The following CNKSR3 variants were observed in gnomAD, a reference collection of about 807,000 sequenced individuals.
CNKSR3 encodes the protein CNKSR family member 3.
A neutral mutation model predicts 67.7 loss-of-function variants in CNKSR3; 36 were observed. The ratio of observed to expected loss-of-function variants is 0.53; its 90% CI spans 0.41 to 0.70. The LOEUF (loss-of-function observed/expected upper bound fraction) is 0.70. Among genes scored for constraint, CNKSR3 ranks in the 30% least tolerant of loss-of-function variants. The pLI is 0.00. For missense variants in CNKSR3, 630 were observed against 695.2 expected (o/e 0.91, Z 1.05); for synonymous variants, 281 against 271.4 (o/e 1.04, Z -0.35).
intron 2 of CNKSR3, among the ~76,000 whole-genome samples, chr6:154,442,531 AG>A (rs1376906160): frequency 6.6e-6 from 1 of 152,128 alleles, no homozygotes; most frequent in Admixed American, 6.5e-5. Flanking sequence ...CTGAGGCAGG[AG>A]AATGGCGTGA....
chr6:154,448,555 G>A (rs1057112279), intron 2 of CNKSR3, among the ~76,000 whole-genome samples: 5 of 152,064 alleles, frequency 3.3e-5, no homozygotes, highest in African/African-American at 9.7e-5. Context: ...GTACAGATGG[G>A]AAAAACAGAC....
chr6:154,412,937 C>CA (rs1309922719), intron 10 of CNKSR3, among the ~76,000 whole-genome samples: 1 of 151,978 alleles, frequency 6.6e-6, no homozygotes, highest in African/African-American at 2.4e-5. Flanking sequence ...GAGGGTAACC[C>CA]AGACCCAATA....
chr6:154,412,866 G>A (rs1313437322), intron 10 of CNKSR3, among the ~76,000 whole-genome samples: 1 of 152,076 alleles, frequency 6.6e-6, no homozygotes, highest in African/African-American at 2.4e-5. Flanking sequence ...ATATATGCTT[G>A]AATTGTTGAA....
Position 154,389,837 on chromosome 6 carries a change from A to G in CNKSR3, c.*16517T>C, listed in dbSNP as rs1784587484. 1 of 152,236 alleles carries G rather than the reference A, an allele frequency of 6.6e-6. No homozygotes were observed. The highest frequency in any genetic ancestry group is 1.5e-5 in the Non-Finnish European group (1 of 68,036). The allele number at this position is 152,236 out of a possible 1,614,324, so 9.4% of individuals were successfully genotyped here. The stretch of plus-strand genomic sequence containing the variant: ...TAATAAAATACTTGGGAATAAACTT[A>G]ACTAAGGAGGTGAAAGACTTGTATA... On this transcript the variant is annotated 3_prime_UTR_variant, in exon 13 of 13. Coordinates refer to ENST00000607772, the MANE Select transcript of CNKSR3 (RefSeq NM_173515.4).
intron 1 of CNKSR3, among the ~76,000 whole-genome samples, chr6:154,491,136 C>T (rs940393126): frequency 3.9e-5 from 6 of 152,138 alleles, no homozygotes; most frequent in South Asian, 4.1e-4. Flanking sequence ...CGTGAGCCAC[C>T]GCGCCCGGCC....
chr6:154,468,273 T>G (rs952562062), intron 1 of CNKSR3, among the ~76,000 whole-genome samples: 11 of 150,850 alleles, frequency 7.3e-5, no homozygotes, highest in African/African-American at 2.2e-4. Context: ...AGAAATGAGG[T>G]TTCATCATGT....
intron 1 of CNKSR3, among the ~76,000 whole-genome samples, chr6:154,496,885 G>A (rs1786888722): frequency 6.6e-6 from 1 of 152,164 alleles, no homozygotes; most frequent in Admixed American, 6.5e-5. Flanking sequence ...ACCCACCTAA[G>A]TGCCTCTAGG....
intron 4 of CNKSR3, among the ~76,000 whole-genome samples, chr6:154,437,184 G>A (rs1178588545): frequency 6.6e-6 from 1 of 152,044 alleles, no homozygotes; most frequent in Admixed American, 6.6e-5. Context: ...CCAGTTAAAA[G>A]GAATAAATGG....
chr6:154,483,705 A>AATCTCCCTCTCTCC (rs1786612441), intron 1 of CNKSR3, among the ~76,000 whole-genome samples: 1 of 151,986 alleles, frequency 6.6e-6, no homozygotes, highest in South Asian at 2.1e-4. Context: ...TAACTCACTC[A>AATCTCCCTCTCTCC]ATCTCCCTCT....
chr6:154,503,970 G>A (rs2114662448), intron 1 of CNKSR3, among the ~76,000 whole-genome samples: 1 of 152,252 alleles, frequency 6.6e-6, no homozygotes, highest in East Asian at 1.9e-4. Context: ...TAATTGTGAT[G>A]GGTGCACGAA....
chr6:154,472,102 C>A (rs1321498257), intron 1 of CNKSR3, among the ~76,000 whole-genome samples: 2 of 152,192 alleles, frequency 1.3e-5, no homozygotes, highest in African/African-American at 2.4e-5. Context: ...CAAGCCCAGA[C>A]AGCGCTATCC....
chr6:154,396,021 T>C lies in CNKSR3; in HGVS notation c.*10333A>G, dbSNP rs1784657989. 6.6e-6 allele frequency: 1 copy of C among 152,304 alleles called. No homozygotes were observed. Among genetic ancestry groups the C allele is most frequent in the African/African-American group, 2.4e-5 (1 of 41,462 alleles). The allele number at this position is 152,304 out of a possible 1,614,324, so 9.4% of individuals were successfully genotyped here. The stretch of plus-strand genomic sequence containing the variant: ...GCTGAGATTACAGGCATGAGCCAAC[T>C]GTGCCCAGCCAGCCTTAGTATTTAT... On this transcript the variant is annotated 3_prime_UTR_variant, in exon 13 of 13. Transcript: ENST00000607772.
At chr6:154,424,476 C>G (rs916145464) in intron 7 of CNKSR3, among the ~76,000 whole-genome samples, 1 of 152,156 alleles carries the variant, frequency 6.6e-6, no homozygotes, top group Non-Finnish European at 1.5e-5. Context: ...AATCTTCAAA[C>G]AATTTCCAAA....
chr6:154,391,669 T>C lies in CNKSR3; in HGVS notation c.*14685A>G, dbSNP rs1784608036. The C allele has an allele frequency of 6.6e-6, 1 of 152,256 alleles. No individual in the cohort carries two copies. The highest frequency in any genetic ancestry group is 2.4e-5 in the African/African-American group (1 of 41,460). The allele number at this position is 152,256 out of a possible 1,614,324, so 9.4% of individuals were successfully genotyped here. A position where few individuals can be genotyped will look rare whatever the true frequency, so the allele number is the denominator to read the frequency against. On this transcript the variant is annotated 3_prime_UTR_variant, in exon 13 of 13. Coordinates refer to ENST00000607772, the MANE Select transcript of CNKSR3 (RefSeq NM_173515.4). The stretch of plus-strand genomic sequence containing the variant: ...TGTGTCACTTTGTGTCTTCTTTTGC[T>C]TCCCTTCTCTTTTTTCTCACCTCGC...
intron 1 of CNKSR3, among the ~76,000 whole-genome samples, chr6:154,505,493 ATTAT>A (rs889107384): frequency 4.0e-5 from 5 of 124,916 alleles, no homozygotes; most frequent in Admixed American, 1.5e-4. Flanking sequence ...TATTATTATT[ATTAT>A]TTTTTTTTTT....
intron 1 of CNKSR3, among the ~76,000 whole-genome samples, chr6:154,470,188 CTTTTTTTTTTT>C (rs869154714): frequency 1.9e-4 from 13 of 68,748 alleles, no homozygotes; most frequent in South Asian, 7.0e-4. Context: ...ACTTTCTTTC[CTTTTTTTTTTT>C]TTTTTTTTTT....
chr6:154,450,049 T>G (rs1418027201), intron 2 of CNKSR3, 46 bp downstream of exon 2: 2 of 1,567,642 alleles, frequency 1.3e-6, no homozygotes, highest in Admixed American at 3.7e-5. Context: ...AGAGCAAGGC[T>G]CTAAAGAACG....
intron 11 of CNKSR3, 53 bp from the exon 12 acceptor site, chr6:154,410,485 G>A (rs964643669): frequency 6.5e-6 from 8 of 1,232,478 alleles, no homozygotes; most frequent in Non-Finnish European, 8.4e-6. Context: ...TGGAACTTTA[G>A]TGAACCGTTC....
rs35873703 is a variant in CNKSR3, at chr6:154,415,228, A to ATTTTTTTTTTTTTTTTTTTT, written c.946-825_946-806dup. Among the ~76,000 whole-genome samples the ATTTTTTTTTTTTTTTTTTTT allele has an allele frequency of 7.8e-3, 921 of 117,960 alleles. 83 individuals are homozygous for ATTTTTTTTTTTTTTTTTTTT. Among genetic ancestry groups the ATTTTTTTTTTTTTTTTTTTT allele is most frequent in the East Asian group, 0.037 (112 of 3,054 alleles). The allele number at this position is 117,960 out of a possible 152,430, so 77.4% of individuals were successfully genotyped here. On this transcript the variant is annotated intron_variant, in intron 9 of 12. Transcript: ENST00000607772. ...TCCTGGCTAGACTTACTAGCTGCCCATTTTTTTTTTTTTTTTTTTTAAGAT... is the reference window on the plus strand; with the variant it reads ...TCCTGGCTAGACTTACTAGCTGCCCATTTTTTTTTTTTTTTTTTTTTTTTTTTTTTTTTTTTTTTTAAGAT...
Sources: gnomAD v4.1 joint callset for allele counts (sites outside exome capture counted in the v4.1 genomes callset) on GRCh38, gnomAD v4.1.1 for gene constraint, MANE v1.5 for transcripts, NCBI Gene and HGNC (gene_info 2026-07-23, HGNC 2026-07-21) for gene names.